The following ARAP1 variants were observed in gnomAD, a reference collection of about 807,000 sequenced individuals.
ARAP1 encodes arf-GAP with Rho-GAP domain, ANK repeat and PH domain-containing protein 1.
Under a neutral mutation model 172.2 loss-of-function variants are expected in ARAP1, and 76 were observed. The ratio of observed to expected loss-of-function variants is 0.44; its 90% CI spans 0.37 to 0.53. The LOEUF (loss-of-function observed/expected upper bound fraction) is 0.53, where lower values mean the gene tolerates loss of function less well. Ranked by LOEUF, ARAP1 falls within the 20% of genes least tolerant of loss-of-function variation. ARAP1 has a pLI of 0.00. For synonymous variants in ARAP1, 804 were observed against 803.3 expected (o/e 1.00, Z -0.01); for missense variants, 1,686 against 1,977.5 (o/e 0.85, Z 2.80).
chr11:72,706,029 G>C, intron 12 of ARAP1, 139 bp from the exon 13 acceptor site: 1 of 735,546 alleles, frequency 1.4e-6, no homozygotes, highest in African/African-American at 1.8e-5. Context: ...TGGCAGCTCT[G>C]GAATCCAGCC....
In ARAP1 at chr11:72,695,948, A is replaced by G. The variant is rs2135503161; in HGVS notation, c.3273-83T>C. The G allele has an allele frequency of 1.3e-6, 2 of 1,493,602 alleles. No individual in the cohort carries two copies. Among genetic ancestry groups the G allele is most frequent in the Admixed American group, 2.1e-5 (1 of 47,220 alleles). The allele number at this position is 1,493,602 out of a possible 1,614,324, so 92.5% of individuals were successfully genotyped here. On this transcript the variant is annotated intron_variant, in intron 23 of 34. Coordinates refer to ENST00000393609, the MANE Select transcript of ARAP1 (RefSeq NM_001040118.3). The surrounding 1 kb of genome is among the most constrained non-coding windows in gnomAD (Gnocchi z 4.4). Reference sequence around the variant, plus strand: ...ACCCTATTAATTTCTGACAGGTCCAAGACTGGTCTGGTCAGAGGGGACCAC... The same window carrying G: ...ACCCTATTAATTTCTGACAGGTCCAGGACTGGTCTGGTCAGAGGGGACCAC...
Position 72,724,572 on chromosome 11 carries a change from TCA to T in ARAP1, c.509+2046_509+2047del, listed in dbSNP as rs566773088. Among the ~76,000 whole-genome samples, 673 of 152,220 alleles carry T rather than the reference TCA, an allele frequency of 4.4e-3. 5 individuals are homozygous for T. Among genetic ancestry groups the T allele is most frequent in the African/African-American group, 0.016 (650 of 41,526 alleles). On this transcript the variant is annotated intron_variant, in intron 3 of 34. Transcript: ENST00000393609. ...GCCCCCACCCTGATCACTACAGCACTCAGTCTTGGCCTGGTATACACACATGA... is the reference window on the plus strand; with the variant it reads ...GCCCCCACCCTGATCACTACAGCACTGTCTTGGCCTGGTATACACACATGA...
chr11:72,699,496 C>G lies in ARAP1; in HGVS notation c.2359G>C (p.Glu787Gln), dbSNP rs1014649144. The G allele has an allele frequency of 6.2e-7, 1 of 1,614,016 alleles. No homozygotes were observed. Among genetic ancestry groups the G allele is most frequent in the Non-Finnish European group, 8.5e-7 (1 of 1,179,988 alleles). ...TCTCCATTGGGGGTCACTGCCCGCT[C>G]ATTCTCAAAGTAGCTCAGGACCCCG... Reference protein sequence around the residue: ...GDGVLSYFENERAVTPNGEIR... With the variant: ...GDGVLSYFENQRAVTPNGEIR... Residue 787 changes from glutamate to glutamine, a missense_variant, in exon 17 of 35, where the codon GAG (glutamate) becomes CAG (glutamine). Physicochemically the swap from Glu to Gln is conservative, Grantham distance 29. This residue lies in a region of ARAP1 where 688 missense variants were observed against 856.9 expected (regional missense o/e 0.80). Coordinates refer to ENST00000393609, the MANE Select transcript of ARAP1 (RefSeq NM_001040118.3). This position sits in a 1 kb window ranked among gnomAD's most constrained non-coding sequence, Gnocchi z 4.2.
In ARAP1 at chr11:72,726,793, G is replaced by T. The variant is rs776746450; in HGVS notation, c.336C>A (p.Pro112=). 1.3e-6 allele frequency: 2 copies of T among 1,552,724 alleles called. No homozygotes were observed. Among genetic ancestry groups the T allele is most frequent in the East Asian group, 2.4e-5 (1 of 41,252 alleles). ...LPTTTEDEGL[P]AAPPIPPRRS... is the part of the protein sequence containing the mutation. ...TCCGGGGCGGGATGGGTGGGGCAGC[G>T]GGGAGCCCCTCATCCTCTGTAGTGG... Residue 112 remains proline (P), a synonymous_variant, in exon 3 of 35, where the codon CCC becomes CCA. Transcript: ENST00000393609. This position sits in a 1 kb window ranked among gnomAD's most constrained non-coding sequence, Gnocchi z 6.5.
intron 14 of ARAP1, 28 bp from the exon 15 acceptor site, chr11:72,703,107 C>T: frequency 6.6e-7 from 1 of 1,515,230 alleles, no homozygotes; most frequent in Non-Finnish European, 8.8e-7. Context: ...AGGGTCAGCC[C>T]AAGAAGGAGT....
rs762997597 is a variant in ARAP1 at position 72,687,436 on chromosome 11, T to C, written c.4185+3A>G. 24 of 1,614,034 alleles carry C rather than the reference T, an allele frequency of 1.5e-5. No individual in the cohort carries two copies. The highest frequency in any genetic ancestry group is 8.5e-7 in the Non-Finnish European group (1 of 1,180,012). On this transcript the variant is annotated splice_donor_region_variant and intron_variant, in intron 33 of 34. Transcript: ENST00000393609. ...CCCACACCCCACACTCTGCACCTGG[T>C]ACCTGCACAAACAGAAAGGTAGCGA...
chr11:72,726,943 A>G lies in ARAP1; in HGVS notation c.186T>C (p.Ala62=). The G allele has an allele frequency of 6.3e-7, 1 of 1,598,176 alleles. No homozygotes were observed. The highest frequency in any genetic ancestry group is 2.3e-5 in the East Asian group (1 of 44,176). Residue 62 remains alanine, a synonymous_variant, in exon 3 of 35, where the codon GCT becomes GCC. Coordinates refer to ENST00000393609, the MANE Select transcript of ARAP1 (RefSeq NM_001040118.3). This position sits in a 1 kb window ranked among gnomAD's most constrained non-coding sequence, Gnocchi z 6.5. The part of the protein sequence containing the change: ...LLPGHRRRIL[A]GLLRAHTSPA... ...GTGAGGTATGGGCACGGAGCAGGCC[A>G]GCCAGGATGCGGCGGCGGTGACCAG...
intron 3 of ARAP1, chr11:72,721,972 G>A (rs757703622): frequency 1.3e-5 from 13 of 986,346 alleles, no homozygotes; most frequent in African/African-American, 1.7e-5. Flanking sequence ...GGCTGGTCTC[G>A]CAAACAGCCT....
chr11:72,736,925 T>C (rs1858046616), intron 1 of ARAP1, among the ~76,000 whole-genome samples: 1 of 152,124 alleles, frequency 6.6e-6, no homozygotes, highest in Admixed American at 6.5e-5. Flanking sequence ...TTCCTCCATG[T>C]CACTTCTCAC....
rs374790161 is a variant in ARAP1, at chr11:72,727,141, C to T, written c.-13G>A. The T allele has an allele frequency of 1.8e-5, 28 of 1,567,362 alleles. No homozygotes were observed. Among genetic ancestry groups the T allele is most frequent in the African/African-American group, 6.7e-5 (5 of 74,310 alleles). On this transcript the variant is annotated 5_prime_UTR_variant, in exon 3 of 35. Transcript: ENST00000393609. ...CAGCCTCTGCCATGGTTCCTGCCAG[C>T]GGAGGCCTGACTGGCAGGGCTTTGT... is the stretch of plus-strand genomic sequence containing the variant.
At position 72,713,204 on chromosome 11, in the gene ARAP1, C is replaced by A; in HGVS notation, c.719G>T (p.Gly240Val). The A allele has an allele frequency of 3.7e-6, 6 of 1,614,056 alleles. No individual in the cohort carries two copies. The highest frequency in any genetic ancestry group is 1.1e-5 in the South Asian group (1 of 91,080). Residue 240 changes from glycine to valine, a missense_variant, in exon 5 of 35, where the codon GGG becomes GTG. Physicochemically the swap from Gly to Val is moderately radical, Grantham distance 109 (BLOSUM62 -3). Around this residue, in one of 5 missense-constraint regions of ARAP1, gnomAD observed 155 missense variants for 129.2 expected, o/e 1.20. Transcript: ENST00000393609. Reference protein sequence around the residue: ...DYDEVPEEGPGAPARVMTKKE... With the variant: ...DYDEVPEEGPVAPARVMTKKE... ...CTTGGTCATCACTCTGGCTGGGGCC[C>A]CCGGCCCCTCCTCTGGGACCTCATC... is the stretch of plus-strand genomic sequence containing the variant.
chr11:72,733,979 C>A (rs55819004), intron 1 of ARAP1, among the ~76,000 whole-genome samples: 1 of 152,142 alleles, frequency 6.6e-6, no homozygotes, highest in South Asian at 2.1e-4. Context: ...GTGCGTATCA[C>A]CATGCCCAGC....
chr11:72,689,106 A>G (rs2135487065), intron 30 of ARAP1, among the ~76,000 whole-genome samples: 1 of 152,342 alleles, frequency 6.6e-6, no homozygotes, highest in African/African-American at 2.4e-5. Flanking sequence ...CTAATGACTC[A>G]AGCTGAAGCA....
At chr11:72,733,888 A>G (rs1387084369) in intron 1 of ARAP1, among the ~76,000 whole-genome samples, 1 of 152,222 alleles carries the variant, frequency 6.6e-6, no homozygotes, top group Admixed American at 6.5e-5. Context: ...CAGTAGCGCA[A>G]TCTTGGCTCA....
chr11:72,734,979 T>C (rs1213172731), intron 1 of ARAP1, among the ~76,000 whole-genome samples: 8 of 152,130 alleles, frequency 5.3e-5, no homozygotes, highest in African/African-American at 1.7e-4. Flanking sequence ...CTGGAGACTG[T>C]AGCTCTCAAC....
intron 5 of ARAP1, chr11:72,712,922 T>A: frequency 1.7e-6 from 1 of 597,598 alleles, no homozygotes; most frequent in Non-Finnish European, 3.0e-6. Context: ...ACACACAGGG[T>A]GGGGGGAGGC....
Position 72,712,645 on chromosome 11 carries a change from T to C in ARAP1, c.748-77A>G, listed in dbSNP as rs752306129. The stretch of plus-strand genomic sequence containing the variant: ...ACCCACCCGGGGCTGCCACGCCCCC[T>C]CTGTCCACACAGCCCCGACCCACAC... On this transcript the variant is annotated intron_variant, in intron 5 of 34. Transcript: ENST00000393609. The C allele has an allele frequency of 2.4e-5, 39 of 1,598,218 alleles. No homozygotes were observed. In the African/African-American group the frequency reaches 4.6e-4, roughly 19 times the overall value.
intron 2 of ARAP1, among the ~76,000 whole-genome samples, chr11:72,730,371 G>A (rs532459541): frequency 1.1e-4 from 16 of 152,328 alleles, no homozygotes; most frequent in African/African-American, 3.1e-4. Flanking sequence ...CATTGGTGAT[G>A]TGGTAGGGCA....
At chr11:72,751,080 G>A (rs996886385) in intron 1 of ARAP1, among the ~76,000 whole-genome samples, 1 of 152,162 alleles carries the variant, frequency 6.6e-6, no homozygotes, top group Non-Finnish European at 1.5e-5. Context: ...GGGGCCATCA[G>A]GGCTCTGGTG....
Sources: allele counts gnomAD v4.1 joint callset (sites outside exome capture counted in the v4.1 genomes callset), GRCh38; gene constraint gnomAD v4.1.1; regional missense constraint gnomAD v4.1.1; non-coding constraint Gnocchi (gnomAD v3.1); transcripts MANE v1.5; gene names NCBI Gene and HGNC (gene_info 2026-07-23, HGNC 2026-07-21).